MITF: variants seen among roughly 807,000 people sequenced by gnomAD.
MITF encodes the protein microphthalmia-associated transcription factor.
Under a neutral mutation model 60.5 loss-of-function variants are expected in MITF, and 17 were observed. That is an observed-to-expected ratio of 0.28 (90% CI 0.19 to 0.42). The LOEUF (loss-of-function observed/expected upper bound fraction) is 0.42. Ranked by LOEUF, MITF falls within the 10% of genes least tolerant of loss-of-function variation. MITF has a pLI of 1.00. For missense variants in MITF, 622 were observed against 683.5 expected, an observed-to-expected ratio of 0.91 and a Z score of 1.00; for synonymous variants, 260 against 248.5, an observed-to-expected ratio of 1.05 and a Z score of -0.43.
intron 2 of MITF, among the ~76,000 whole-genome samples, chr3:69,930,327 G>A (rs1235163608): frequency 6.6e-6 from 1 of 152,188 alleles, no homozygotes; most frequent in Non-Finnish European, 1.5e-5. Context: ...ACTAGCTAAG[G>A]AGAGTGAGAA....
intron 1 of MITF, among the ~76,000 whole-genome samples, chr3:69,771,958 G>T (rs1036407122): frequency 6.6e-6 from 1 of 152,176 alleles, no homozygotes; most frequent in East Asian, 1.9e-4. Context: ...CTCTAAATTA[G>T]ACTGGAAATT....
intron 2 of MITF, among the ~76,000 whole-genome samples, chr3:69,911,288 A>G (rs963561887): frequency 1.3e-5 from 2 of 152,066 alleles, no homozygotes; most frequent in African/African-American, 4.8e-5. Context: ...AATCTCAGGT[A>G]TGTCTTTATC....
chr3:69,941,605 C>T (rs1455384654), intron 5 of MITF, among the ~76,000 whole-genome samples: 1 of 152,162 alleles, frequency 6.6e-6, no homozygotes, highest in Non-Finnish European at 1.5e-5. Flanking sequence ...ATTCCCTTGA[C>T]ATCTAATGCC....
intron 1 of MITF, among the ~76,000 whole-genome samples, chr3:69,774,048 G>C (rs1378173793): frequency 2.0e-5 from 3 of 152,218 alleles, no homozygotes; most frequent in Non-Finnish European, 4.4e-5. Flanking sequence ...GTTAATGGCA[G>C]AAAAGAGGGC....
At chr3:69,950,017 T>C (rs1410716212) in intron 6 of MITF, among the ~76,000 whole-genome samples, 1 of 152,110 alleles carries the variant, frequency 6.6e-6, no homozygotes, top group Non-Finnish European at 1.5e-5. Context: ...AGATGTTTTT[T>C]AAAAACCATG....
intron 1 of MITF, among the ~76,000 whole-genome samples, chr3:69,802,904 A>G (rs2062945615): frequency 6.6e-6 from 1 of 150,754 alleles, no homozygotes; most frequent in African/African-American, 2.4e-5. Context: ...CAGCCTCCCT[A>G]GTAGCTGGGA....
At chr3:69,844,202 A>G (rs985083688) in intron 1 of MITF, among the ~76,000 whole-genome samples, 34 of 152,198 alleles carry the variant, frequency 2.2e-4, no homozygotes, top group African/African-American at 8.0e-4. Flanking sequence ...TGCAATAAAC[A>G]TACATGTGCA....
intron 1 of MITF, among the ~76,000 whole-genome samples, chr3:69,808,838 A>T (rs1035625521): frequency 1.3e-5 from 2 of 152,124 alleles, no homozygotes; most frequent in Non-Finnish European, 2.9e-5. Flanking sequence ...TAGATGGGTG[A>T]ATCACATGAT....
intron 1 of MITF, among the ~76,000 whole-genome samples, chr3:69,808,113 G>A (rs1376660351): frequency 6.8e-6 from 1 of 147,696 alleles, no homozygotes; most frequent in African/African-American, 2.5e-5. Flanking sequence ...AATATAGATA[G>A]TATAATATAT....
rs139507172 is a variant in MITF, at chr3:69,892,210, G to A, written c.354+12827G>A. On this transcript the variant is annotated intron_variant, in intron 2 of 9. Coordinates refer to ENST00000352241, the MANE Select transcript of MITF (RefSeq NM_001354604.2). ...ATCAACAAAAACCAAAGCACAACTC[G>A]TAATCAAATAGGGCCTTGAAATATT... Among the ~76,000 whole-genome samples, 1,059 of 152,078 alleles carry A rather than the reference G, an allele frequency of 7.0e-3. 6 individuals carry two copies. The highest frequency in any genetic ancestry group is 0.011 in the Non-Finnish European group (729 of 67,980).
chr3:69,852,961 T>G (rs2063850694), intron 1 of MITF, among the ~76,000 whole-genome samples: 1 of 152,178 alleles, frequency 6.6e-6, no homozygotes, highest in South Asian at 2.1e-4. Context: ...ATAAGTTGTT[T>G]ATATTGGTTT....
At chr3:69,760,934 C>T (rs1260184265) in intron 1 of MITF, among the ~76,000 whole-genome samples, 3 of 152,124 alleles carry the variant, frequency 2.0e-5, no homozygotes, top group Non-Finnish European at 4.4e-5. Flanking sequence ...GCTTGGAATT[C>T]TTTTAGAAAG....
chr3:69,740,180 G>T (rs1427914094), intron 1 of MITF, among the ~76,000 whole-genome samples: 1 of 152,132 alleles, frequency 6.6e-6, no homozygotes, highest in Non-Finnish European at 1.5e-5. Flanking sequence ...CAATTAGTTC[G>T]CTTGGAGTCA....
In MITF at chr3:69,964,945, C is replaced by T. The variant is rs1476990219; in HGVS notation, c.1278C>T (p.Pro426=). ...TGAATCGGATCATCAAGCAAGAACC[C>T]GTTCTTGAGAACTGCAGCCAAGACC... is the stretch of plus-strand genomic sequence containing the variant. ...DLVNRIIKQE[P]VLENCSQDLL... Residue 426 remains proline (P), a synonymous_variant, in exon 10 of 10, where the codon CCC becomes CCT. Coordinates refer to ENST00000352241, the MANE Select transcript of MITF (RefSeq NM_001354604.2). 2 of 1,614,086 alleles carry T rather than the reference C, an allele frequency of 1.2e-6. No individual in the cohort carries two copies. The highest frequency in any genetic ancestry group is 1.1e-5 in the South Asian group (1 of 91,084).
At chr3:69,918,014 C>T (rs1313771216) in intron 2 of MITF, among the ~76,000 whole-genome samples, 1 of 152,000 alleles carries the variant, frequency 6.6e-6, no homozygotes, top group Non-Finnish European at 1.5e-5. Flanking sequence ...TCCTTTTGCT[C>T]ATCCTTTTCT....
intron 1 of MITF, among the ~76,000 whole-genome samples, chr3:69,757,828 A>G (rs1029910881): frequency 6.6e-6 from 1 of 151,916 alleles, no homozygotes; most frequent in African/African-American, 2.4e-5. Flanking sequence ...TTCTTAATAA[A>G]TATTTGTTGA....
At chr3:69,740,109 C>T (rs1001172657) in intron 1 of MITF, among the ~76,000 whole-genome samples, 1 of 152,068 alleles carries the variant, frequency 6.6e-6, no homozygotes, top group Non-Finnish European at 1.5e-5. Flanking sequence ...AAGATCCCAG[C>T]GGGTTGAGGG....
chr3:69,932,205 G>A (rs1195191299), intron 2 of MITF, among the ~76,000 whole-genome samples: 1 of 152,164 alleles, frequency 6.6e-6, no homozygotes, highest in Non-Finnish European at 1.5e-5. Context: ...GATAATTTTA[G>A]GCCTTGGGGG....
intron 2 of MITF, among the ~76,000 whole-genome samples, chr3:69,914,519 T>G (rs1185021785): frequency 6.6e-6 from 1 of 152,202 alleles, no homozygotes; most frequent in African/African-American, 2.4e-5. Context: ...AACCTGCCAC[T>G]TCATCGTGCA....
Sources: allele counts gnomAD v4.1 joint callset (sites outside exome capture counted in the v4.1 genomes callset), GRCh38; gene constraint gnomAD v4.1.1; transcripts MANE v1.5; gene names NCBI Gene and HGNC (gene_info 2026-07-23, HGNC 2026-07-21).